The following MYRIP variants were observed in gnomAD, a reference collection of about 807,000 sequenced individuals.
MYRIP encodes the protein rab effector MyRIP.
MYRIP carries 49 observed loss-of-function variants against 98.0 expected under a neutral mutation model. The ratio of observed to expected loss-of-function variants is 0.50; its 90% CI spans 0.40 to 0.63. MYRIP has a LOEUF of 0.63. Ranked by LOEUF, MYRIP falls within the 30% of genes least tolerant of loss-of-function variation. The pLI, the probability that MYRIP is intolerant of heterozygous loss-of-function variation, is 0.00. For missense variants in MYRIP, 1,004 were observed against 1,058.2 expected (o/e 0.95, Z 0.71); for synonymous variants, 404 against 409.5 (o/e 0.99, Z 0.16).
chr3:40,130,749 T>C (rs900281434), intron 3 of MYRIP, among the ~76,000 whole-genome samples: 2 of 152,228 alleles, frequency 1.3e-5, no homozygotes, highest in East Asian at 3.9e-4. Flanking sequence ...TCCAGACTGG[T>C]ATATCCAAAT....
At chr3:39,986,211 G>T (rs1946027506) in intron 2 of MYRIP, among the ~76,000 whole-genome samples, 1 of 152,054 alleles carries the variant, frequency 6.6e-6, no homozygotes, top group African/African-American at 2.4e-5. Flanking sequence ...AAGCATTAAG[G>T]GTGACCTGAA....
chr3:40,113,451 A>C (rs949428489), intron 3 of MYRIP, among the ~76,000 whole-genome samples: 3 of 151,390 alleles, frequency 2.0e-5, no homozygotes, highest in Admixed American at 6.6e-5. Flanking sequence ...AGCCAAGAAG[A>C]AAGTTTATTA....
chr3:40,128,768 C>T (rs745745228), intron 3 of MYRIP, among the ~76,000 whole-genome samples: 4 of 152,286 alleles, frequency 2.6e-5, no homozygotes, highest in Middle Eastern at 6.8e-3. Flanking sequence ...AGGAGGTATA[C>T]TTCATTTTTC....
At chr3:40,220,600 C>A (rs929436872) in intron 11 of MYRIP, among the ~76,000 whole-genome samples, 3 of 152,086 alleles carry the variant, frequency 2.0e-5, no homozygotes, top group East Asian at 1.9e-4. Flanking sequence ...GAATTAAGAT[C>A]TTTATAACTC....
At chr3:40,249,451 T>A (rs1468546928) in intron 13 of MYRIP, among the ~76,000 whole-genome samples, 1 of 152,214 alleles carries the variant, frequency 6.6e-6, no homozygotes, top group East Asian at 1.9e-4. Flanking sequence ...CCAGTTTCCT[T>A]ATCTGTGAAA....
intron 3 of MYRIP, among the ~76,000 whole-genome samples, chr3:40,107,469 A>G (rs1444619047): frequency 1.3e-5 from 2 of 152,214 alleles, no homozygotes. Flanking sequence ...CTTAATAGGA[A>G]TCAGCAGAGG....
chr3:39,881,703 A>T (rs988194483), intron 1 of MYRIP, among the ~76,000 whole-genome samples: 1 of 151,908 alleles, frequency 6.6e-6, no homozygotes, highest in African/African-American at 2.4e-5. Flanking sequence ...TTCACCCTTT[A>T]TCTTCATTTT....
chr3:39,886,999 A>T (rs1226599341), intron 1 of MYRIP, among the ~76,000 whole-genome samples: 3 of 151,870 alleles, frequency 2.0e-5, no homozygotes, highest in African/African-American at 7.2e-5. Context: ...CTCTCAGACC[A>T]CAGTGCAATC....
At chr3:39,877,977 T>C (rs1175063525) in intron 1 of MYRIP, among the ~76,000 whole-genome samples, 1 of 152,236 alleles carries the variant, frequency 6.6e-6, no homozygotes, top group Admixed American at 6.5e-5. Flanking sequence ...GCAGGCCTCC[T>C]TGAGCTGTGG....
chr3:39,940,248 G>A (rs968807034), intron 2 of MYRIP, among the ~76,000 whole-genome samples: 23 of 151,980 alleles, frequency 1.5e-4, no homozygotes, highest in Non-Finnish European at 1.5e-5. Flanking sequence ...TGTATTTGGA[G>A]AATTTTTAAT....
chr3:40,233,718 A>C (rs1177155395), intron 11 of MYRIP, 141 bp from the exon 12 acceptor site: 2 of 778,716 alleles, frequency 2.6e-6, no homozygotes, highest in African/African-American at 3.5e-5. Flanking sequence ...TAATTTTCTC[A>C]TTCTTCAGCA....
intron 2 of MYRIP, among the ~76,000 whole-genome samples, chr3:39,966,533 G>T (rs1945446613): frequency 6.6e-6 from 1 of 152,100 alleles, no homozygotes; most frequent in Admixed American, 6.6e-5. Context: ...GTGTGGAGGG[G>T]TAAACCAAAA....
chr3:40,166,785 G>T, intron 5 of MYRIP, 61 bp from the exon 6 acceptor site: 1 of 1,155,112 alleles, frequency 8.7e-7, no homozygotes, highest in South Asian at 1.3e-5. Context: ...AGAAGAGCTT[G>T]AACAATCGTT....
chr3:40,240,484 C>T (rs901131529), intron 12 of MYRIP, among the ~76,000 whole-genome samples: 19 of 152,288 alleles, frequency 1.2e-4, no homozygotes, highest in South Asian at 4.1e-4. Flanking sequence ...ACTCGGGAAG[C>T]GCAAGGGGTC....
rs1473989365 is a variant in MYRIP, at chr3:39,875,872, C to T, written c.-30-24915C>T. On this transcript the variant is annotated intron_variant, in intron 1 of 16. Coordinates refer to ENST00000302541, the MANE Select transcript of MYRIP (RefSeq NM_015460.4). ...TCTATTAGGTGCACTTGGTGCAGAG[C>T]TGAGTTCAATTCCTGGGTATCCTTG... Among the ~76,000 whole-genome samples, 4 of 152,074 alleles carry T rather than the reference C, an allele frequency of 2.6e-5. 1 individual carries two copies. The highest frequency in any genetic ancestry group is 7.3e-5 in the African/African-American group (3 of 41,370).
intron 1 of MYRIP, among the ~76,000 whole-genome samples, chr3:39,812,775 A>G (rs995946098): frequency 1.2e-4 from 19 of 152,246 alleles, no homozygotes; most frequent in African/African-American, 4.6e-4. Context: ...AATACCTACC[A>G]TCTTTTCCCA....
intron 2 of MYRIP, among the ~76,000 whole-genome samples, chr3:39,942,846 C>T (rs1944821145): frequency 6.6e-6 from 1 of 152,088 alleles, no homozygotes; most frequent in Non-Finnish European, 1.5e-5. Flanking sequence ...AATTACCAAT[C>T]TATTCTCTAT....
intron 2 of MYRIP, among the ~76,000 whole-genome samples, chr3:40,007,029 A>T (rs1401892806): frequency 1.3e-5 from 2 of 152,214 alleles, no homozygotes; most frequent in African/African-American, 4.8e-5. Context: ...CAGCTAAGTG[A>T]TCATTGCATG....
chr3:39,975,217 G>A lies in MYRIP; in HGVS notation c.111-68833G>A, dbSNP rs142563137. 7.7e-4 allele frequency among the ~76,000 whole-genome samples: 117 copies of A among 152,146 alleles called. 1 individual carries two copies. Among genetic ancestry groups the A allele is most frequent in the African/African-American group, 2.5e-3 (105 of 41,528 alleles). ...GCAAAGTCTTCAGGATACCAAATCA[G>A]TGTGCAAAAATCACAAGCATTCTTA... On this transcript the variant is annotated intron_variant, in intron 2 of 16. Transcript: ENST00000302541.
Sources: gnomAD v4.1 joint callset for allele counts (sites outside exome capture counted in the v4.1 genomes callset) on GRCh38, gnomAD v4.1.1 for gene constraint, MANE v1.5 for transcripts, NCBI Gene and HGNC (gene_info 2026-07-23, HGNC 2026-07-21) for gene names.